The following CAPN15 variants were observed in gnomAD, a reference collection of about 807,000 sequenced individuals.
CAPN15 encodes calpain 15, also known as calpain-15.
In CAPN15, 53 loss-of-function variants were observed where a neutral mutation model predicts 97.9. That is an observed-to-expected ratio of 0.54 (90% CI 0.43 to 0.68). The LOEUF (loss-of-function observed/expected upper bound fraction) is 0.68, where lower values mean the gene tolerates loss of function less well. Ranked by LOEUF, CAPN15 falls within the 30% of genes least tolerant of loss-of-function variation. The probability of loss-of-function intolerance (pLI) is 0.00; values close to 1 mark genes in which losing one functional copy is unlikely to be tolerated. For missense variants in CAPN15, 1,592 were observed against 1,589.8 expected (o/e 1.00, Z -0.02); for synonymous variants, 922 against 722.5 (o/e 1.28, Z -4.43).
rs781265101 is a variant in CAPN15 at position 552,999 on chromosome 16, G to A, written c.3041G>A (p.Arg1014His). 1.6e-5 allele frequency: 26 copies of A among 1,609,394 alleles called. No homozygotes were observed. Among genetic ancestry groups the A allele is most frequent in the African/African-American group, 4.0e-5 (3 of 74,646 alleles). Residue 1014 changes from arginine (R) to histidine (H), a missense_variant, in exon 13 of 14, where the codon CGC becomes CAC. Around this residue, in one of 3 missense-constraint regions of CAPN15, gnomAD observed 644 missense variants for 699.6 expected, o/e 0.92. Coordinates refer to ENST00000219611, the MANE Select transcript of CAPN15 (RefSeq NM_005632.3). The surrounding 1 kb of genome is among the most constrained non-coding windows in gnomAD (Gnocchi z 6.4). Reference sequence around the variant, plus strand: ...GACAGCTTCAACGTGGTGTCCACACGCGGCAGCCTGCGTACCCAGGATAGC... The same window carrying A: ...GACAGCTTCAACGTGGTGTCCACACACGGCAGCCTGCGTACCCAGGATAGC... ...CTDSFNVVST[R>H]GSLRTQDSVP...
rs754630964 is a variant in CAPN15, at chr16:549,722, G to T, written c.1950G>T (p.Thr650=). The T allele has an allele frequency of 1.3e-6, 2 of 1,576,106 alleles. No homozygotes were observed. The highest frequency in any genetic ancestry group is 1.7e-4 in the Middle Eastern group (1 of 5,930). The change falls in exon 7 of 14, where the codon ACG becomes ACT. Residue 650 remains threonine, a synonymous_variant. Coordinates refer to ENST00000219611, the MANE Select transcript of CAPN15 (RefSeq NM_005632.3). ...GCCGCGCCATCGAAGGCCTGGCCAC[G>T]CTCACCGGCGCCCCCTGTGAGAGCC... is the stretch of plus-strand genomic sequence containing the variant. ...QAGRAIEGLA[T]LTGAPCESLA...
intron 1 of CAPN15, among the ~76,000 whole-genome samples, chr16:529,081 C>T (rs769948979): frequency 6.6e-6 from 1 of 152,104 alleles, no homozygotes; most frequent in Non-Finnish European, 1.5e-5. Flanking sequence ...CTTGGCCTGG[C>T]CTTGGGTTGG....
chr16:548,168 C>G lies in CAPN15; in HGVS notation c.1330C>G (p.Gln444Glu). 6.5e-7 allele frequency: 1 copy of G among 1,534,112 alleles called. No homozygotes were observed. Among genetic ancestry groups the G allele is most frequent in the Non-Finnish European group, 8.8e-7 (1 of 1,141,678 alleles). Residue 444 changes from glutamine to glutamate, a missense_variant, in exon 4 of 14, where the codon CAG becomes GAG. Transcript: ENST00000219611. ...ACHTPQLLVA[Q>E]RRGAAPLRRR... ...CCACACGCCTCAGCTCCTGGTGGCC[C>G]AGCGGCGGGGGGCCGCGCCCCTGAG...
At chr16:544,687 CCGTCGCCTCCCCCACGTCGCCTCCCCCA>C (rs751838181) in intron 3 of CAPN15, among the ~76,000 whole-genome samples, 2 of 142,342 alleles carry the variant, frequency 1.4e-5, no homozygotes, top group Non-Finnish European at 3.0e-5. Context: ...AAGGAGCGGC[CCGTCGCCTCCCCCACGTCGCCTCCCCCA>C]CGTCGCCTCC....
Position 549,708 on chromosome 16 carries a change from G to T in CAPN15, c.1936G>T (p.Glu646Ter). 2 of 1,568,978 alleles carry T rather than the reference G, an allele frequency of 1.3e-6. No homozygotes were observed. The highest frequency in any genetic ancestry group is 8.6e-7 in the Non-Finnish European group (1 of 1,158,856). ...TGCGCTCCAGGCGGGCCGCGCCATC[G>T]AAGGCCTGGCCACGCTCACCGGCGC... ...YFALQAGRAI[E>*]GLATLTGAPC... The change falls in exon 7 of 14, where the codon GAA (glutamate) becomes TAA (stop). Residue 646 changes from glutamate to a stop codon, truncating the protein, a stop_gained. Transcript: ENST00000219611. LOFTEE classifies it high-confidence loss of function.
At chr16:531,357 C>G (rs2033237586) in intron 1 of CAPN15, among the ~76,000 whole-genome samples, 3 of 152,194 alleles carry the variant, frequency 2.0e-5, no homozygotes, top group African/African-American at 7.2e-5. Flanking sequence ...GCCACCACAC[C>G]CAGCCTCTGC....
At chr16:544,089 CAG>C (rs59868852) in intron 3 of CAPN15, among the ~76,000 whole-genome samples, 109 of 152,224 alleles carry the variant, frequency 7.2e-4, no homozygotes, top group African/African-American at 2.4e-3. Context: ...CGGCTCAGCA[CAG>C]AGAGGCAACA....
chr16:533,917 G>A (rs2033460048), intron 1 of CAPN15, 29 bp from the exon 2 acceptor site: 2 of 982,678 alleles, frequency 2.0e-6, no homozygotes, highest in South Asian at 4.7e-5. Context: ...TGGAAGCTGA[G>A]GTGCCTGATT....
intron 7 of CAPN15, 83 bp from the exon 8 acceptor site, chr16:551,219 G>GTCCC (rs2035050053): frequency 9.5e-6 from 14 of 1,477,524 alleles, no homozygotes; most frequent in South Asian, 1.3e-5. Context: ...GTCGGTGAGG[G>GTCCC]TCCCGGTCAG....
intron 2 of CAPN15, among the ~76,000 whole-genome samples, 161 bp downstream of exon 2, chr16:534,159 C>A (rs1232410292): frequency 6.8e-5 from 2 of 29,384 alleles, no homozygotes. Flanking sequence ...CCCTGAAGAG[C>A]CTCGTTCTCC....
chr16:547,399 G>C lies in CAPN15; in HGVS notation c.561G>C (p.Val187=). The C allele has an allele frequency of 2.6e-6, 4 of 1,564,490 alleles. No homozygotes were observed. Among genetic ancestry groups the C allele is most frequent in the Non-Finnish European group, 3.4e-6 (4 of 1,162,640 alleles). The change falls in exon 4 of 14, where the codon GTG becomes GTC. Residue 187 remains valine, a synonymous_variant. Coordinates refer to ENST00000219611, the MANE Select transcript of CAPN15 (RefSeq NM_005632.3). ...IPPEALVVPE[V]VAPAGFHVVP... Reference sequence around the variant, plus strand: ...CTGAGGCCCTGGTGGTCCCGGAAGTGGTGGCCCCGGCCGGCTTCCACGTCG... The same window carrying C: ...CTGAGGCCCTGGTGGTCCCGGAAGTCGTGGCCCCGGCCGGCTTCCACGTCG...
At chr16:540,751 GC>G (rs934990746) in intron 3 of CAPN15, among the ~76,000 whole-genome samples, 2 of 152,142 alleles carry the variant, frequency 1.3e-5, no homozygotes, top group African/African-American at 2.4e-5. Context: ...TCCGCCTGCT[GC>G]CCCCCCGGGG....
rs201622777 is a variant in CAPN15, at chr16:552,416, G to A, written c.2623G>A (p.Ala875Thr). ...CCGCCTCCTGGCCCACAGTAAGCGCGCGGTCAAGAAGTTCGTCAGCTGCGA... is the reference window on the plus strand; with the variant it reads ...CCGCCTCCTGGCCCACAGTAAGCGCACGGTCAAGAAGTTCGTCAGCTGCGA... Reference protein sequence around the residue: ...LGRLLAHSKRAVKKFVSCDVM... With the variant: ...LGRLLAHSKRTVKKFVSCDVM... Residue 875 changes from alanine to threonine, a missense_variant, in exon 11 of 14, where the codon GCG becomes ACG. Transcript: ENST00000219611. The surrounding 1 kb of genome is among the most constrained non-coding windows in gnomAD (Gnocchi z 6.4). 133 of 1,609,484 alleles carry A rather than the reference G, an allele frequency of 8.3e-5. 1 individual carries two copies. The highest frequency in any genetic ancestry group is 3.3e-4 in the Middle Eastern group (2 of 6,080).
intron 3 of CAPN15, among the ~76,000 whole-genome samples, chr16:543,040 G>A (rs997802597): frequency 6.6e-6 from 1 of 152,012 alleles, no homozygotes; most frequent in Non-Finnish European, 1.5e-5. Flanking sequence ...GACAGAGTGA[G>A]ACTCTGTCTC....
At chr16:544,549 C>T (rs2034395318) in intron 3 of CAPN15, among the ~76,000 whole-genome samples, 1 of 152,158 alleles carries the variant, frequency 6.6e-6, no homozygotes, top group African/African-American at 2.4e-5. Flanking sequence ...CGAGCGGCTT[C>T]ATCACCTCCC....
chr16:542,832 T>A (rs1172404429), intron 3 of CAPN15, among the ~76,000 whole-genome samples: 3 of 152,066 alleles, frequency 2.0e-5, no homozygotes, highest in Non-Finnish European at 4.4e-5. Flanking sequence ...GGCGGGTAGA[T>A]CACCTGAGGT....
In CAPN15 at chr16:547,220, G is replaced by A. The variant is rs761627663; in HGVS notation, c.382G>A (p.Glu128Lys). The change falls in exon 4 of 14, where the codon GAG becomes AAG. Residue 128 changes from glutamate (E) to lysine (K), a missense_variant. This residue lies in a region of CAPN15 where 883 missense variants were observed against 776.6 expected (regional missense o/e 1.14). Coordinates refer to ENST00000219611, the MANE Select transcript of CAPN15 (RefSeq NM_005632.3). Reference sequence around the variant, plus strand: ...CAGGGGGCAGTGCGAGGACAAGGACGAGGAGGAGAAGGAGGAGCAGGAGGA... The same window carrying A: ...CAGGGGGCAGTGCGAGGACAAGGACAAGGAGGAGAAGGAGGAGCAGGAGGA... ...PARGQCEDKD[E>K]EEKEEQEEEE... 2.4e-5 allele frequency: 36 copies of A among 1,526,480 alleles called. No individual in the cohort carries two copies. Among genetic ancestry groups the A allele is most frequent in the Admixed American group, 1.2e-4 (6 of 49,598 alleles). 94.6% of individuals were successfully genotyped at this position (1,526,480 alleles called of 1,614,324 possible).
At chr16:532,577 GC>G (rs2141951887) in intron 1 of CAPN15, among the ~76,000 whole-genome samples, 1 of 149,498 alleles carries the variant, frequency 6.7e-6, no homozygotes, top group East Asian at 2.0e-4. Context: ...AAAGCCAGCC[GC>G]TGTGGCTCAC....
chr16:547,834 G>C lies in CAPN15; in HGVS notation c.996G>C (p.Thr332=), dbSNP rs984488074. Residue 332 remains threonine (T), a synonymous_variant, in exon 4 of 14, where the codon ACG becomes ACC. Coordinates refer to ENST00000219611, the MANE Select transcript of CAPN15 (RefSeq NM_005632.3). ...TGGCCGGAGACACCGTGCGTTACAC[G>C]CCCGCCAGCCCCTCCAGCCCCGACT... ...IDLAGDTVRY[T]PASPSSPDFT... The C allele has an allele frequency of 1.2e-6, 2 of 1,608,562 alleles. No homozygotes were observed. The highest frequency in any genetic ancestry group is 2.3e-5 in the East Asian group (1 of 44,420).
Sources: gnomAD v4.1 joint callset for allele counts (sites outside exome capture counted in the v4.1 genomes callset) on GRCh38, gnomAD v4.1.1 for gene constraint, gnomAD v4.1.1 regional missense constraint, Gnocchi (gnomAD v3.1) non-coding constraint, MANE v1.5 for transcripts, NCBI Gene and HGNC (gene_info 2026-07-23, HGNC 2026-07-21) for gene names.